TRIOBP: variants seen among roughly 807,000 people sequenced by gnomAD.
The protein encoded by TRIOBP is TRIO and F-actin binding protein.
A neutral mutation model predicts 238.8 loss-of-function variants in TRIOBP; 169 were observed. That is an observed-to-expected ratio of 0.71 (90% CI 0.62 to 0.80). The LOEUF is 0.80. Among genes scored for constraint, TRIOBP ranks in the 30% least tolerant of loss-of-function variants. TRIOBP has a pLI of 0.00. For synonymous variants in TRIOBP, 1,150 were observed against 1,274.4 expected (o/e 0.90, Z 2.08); for missense variants, 2,838 against 3,122.6 (o/e 0.91, Z 2.17).
intron 11 of TRIOBP, among the ~76,000 whole-genome samples, chr22:37,748,514 C>G (rs1467905830): frequency 6.6e-6 from 1 of 152,176 alleles, no homozygotes; most frequent in African/African-American, 2.4e-5. Flanking sequence ...TACAGTCCAC[C>G]AGGGCAGGGG....
In TRIOBP at chr22:37,713,403, T is replaced by C; in HGVS notation, c.448T>C (p.Ser150Pro). The C allele has an allele frequency of 6.2e-7, 1 of 1,613,022 alleles. No homozygotes were observed. Among genetic ancestry groups the C allele is most frequent in the Non-Finnish European group, 8.5e-7 (1 of 1,179,988 alleles). The part of the protein sequence containing the change: ...SATPDDTSNS[S>P]SVDWDTVERQ... ...CACCCCTGATGATACCAGCAACTCG[T>C]CCTCTGTGGTGAGCCAGGAGTGGGA... The change falls in exon 5 of 24, where the codon TCC (serine) becomes CCC (proline). Residue 150 changes from serine to proline, a missense_variant. Physicochemically the swap from Ser to Pro is moderately conservative, Grantham distance 74. Coordinates refer to ENST00000644935, the MANE Select transcript of TRIOBP (RefSeq NM_001039141.3).
intron 17 of TRIOBP, among the ~76,000 whole-genome samples, chr22:37,761,234 G>A (rs535310639): frequency 6.6e-6 from 1 of 152,116 alleles, no homozygotes; most frequent in East Asian, 1.9e-4. Context: ...ATCACTTGAG[G>A]TCAAATGTTC....
intron 3 of TRIOBP, among the ~76,000 whole-genome samples, chr22:37,703,491 T>C (rs1368004982): frequency 1.3e-5 from 2 of 149,232 alleles, no homozygotes; most frequent in East Asian, 2.0e-4. Context: ...CCCATTGGGG[T>C]CTGAAGGTCC....
intron 10 of TRIOBP, among the ~76,000 whole-genome samples, chr22:37,739,597 G>T (rs974886149): frequency 3.3e-5 from 5 of 152,130 alleles, no homozygotes; most frequent in Admixed American, 6.5e-5. Context: ...ACCACCCAGC[G>T]CTCTCTCTGC....
At chr22:37,701,600 C>T in intron 3 of TRIOBP, 121 bp downstream of exon 3, 1 of 713,366 alleles carries the variant, frequency 1.4e-6, no homozygotes, top group Non-Finnish European at 2.5e-6. Flanking sequence ...CTGTCGAGAG[C>T]CTCGGTTTTC....
At chr22:37,749,836 TC>T (rs1442893722) in intron 11 of TRIOBP, among the ~76,000 whole-genome samples, 2 of 150,254 alleles carry the variant, frequency 1.3e-5, no homozygotes, top group Non-Finnish European at 3.0e-5. Context: ...GCTTATGTCG[TC>T]CCGGCTACTT....
chr22:37,763,651 T>C (rs1445721179), intron 17 of TRIOBP, among the ~76,000 whole-genome samples: 1 of 152,160 alleles, frequency 6.6e-6, no homozygotes, highest in Non-Finnish European at 1.5e-5. Flanking sequence ...AAAAATAATT[T>C]AAACAAATTG....
At chr22:37,704,981 G>C (rs1433190959) in intron 3 of TRIOBP, among the ~76,000 whole-genome samples, 1 of 152,090 alleles carries the variant, frequency 6.6e-6, no homozygotes, top group Non-Finnish European at 1.5e-5. Flanking sequence ...GCTGATGTGG[G>C]AGGATTACTG....
At chr22:37,772,856 CCTT>C (rs1204398327) in intron 23 of TRIOBP, 92 bp downstream of exon 23, 61 of 1,483,188 alleles carry the variant, frequency 4.1e-5, no homozygotes, top group Non-Finnish European at 5.3e-5. Flanking sequence ...CAGGCCACTT[CCTT>C]CTTCTGGCCT....
At chr22:37,747,914 G>A (rs182347560) in intron 11 of TRIOBP, among the ~76,000 whole-genome samples, 1 of 152,290 alleles carries the variant, frequency 6.6e-6, no homozygotes, top group Non-Finnish European at 1.5e-5. Context: ...GCTGAGCAAG[G>A]GTAAGGCTGC....
intron 2 of TRIOBP, among the ~76,000 whole-genome samples, chr22:37,699,278 C>G (rs1282338250): frequency 1.3e-5 from 2 of 152,080 alleles, no homozygotes; most frequent in East Asian, 1.9e-4. Context: ...TCTGAAAATA[C>G]CTGGCCAGCT....
chr22:37,741,624 A>G (rs908767251), intron 11 of TRIOBP, among the ~76,000 whole-genome samples: 1 of 151,892 alleles, frequency 6.6e-6, no homozygotes, highest in Admixed American at 6.6e-5. Context: ...TGAGAGGCTG[A>G]CTCTCTTACT....
intron 6 of TRIOBP, among the ~76,000 whole-genome samples, chr22:37,720,378 A>C (rs957225537): frequency 5.9e-5 from 9 of 152,080 alleles, no homozygotes; most frequent in Non-Finnish European, 1.2e-4. Flanking sequence ...TTTTCTACTA[A>C]TATCCTTTTT....
chr22:37,757,600 G>A lies in TRIOBP; in HGVS notation c.5688-13G>A. The A allele has an allele frequency of 1.3e-6, 2 of 1,570,668 alleles. No homozygotes were observed. The highest frequency in any genetic ancestry group is 1.2e-5 in the South Asian group (1 of 86,010). The stretch of plus-strand genomic sequence containing the variant: ...GTGAGGACCCACCTGACGTGGCTCT[G>A]CTGGTGCCCTAGGCTCTCGGACTCT... On this transcript the variant is annotated splice_polypyrimidine_tract_variant and intron_variant, in intron 15 of 23. Transcript: ENST00000644935.
At position 37,772,679 on chromosome 22, in the gene TRIOBP, A is replaced by T; in HGVS notation, c.7015A>T (p.Ile2339Phe). 1 of 1,614,112 alleles carries T rather than the reference A, an allele frequency of 6.2e-7. No individual in the cohort carries two copies. Among genetic ancestry groups the T allele is most frequent in the South Asian group, 1.1e-5 (1 of 91,074 alleles). The change falls in exon 23 of 24, where the codon ATC becomes TTC. Residue 2339 changes from isoleucine to phenylalanine, a missense_variant. Physicochemically the swap from Ile to Phe is conservative, Grantham distance 21. Around this residue, in one of 5 missense-constraint regions of TRIOBP, gnomAD observed 2,096 missense variants for 2,137.4 expected, o/e 0.98. Transcript: ENST00000644935. ...SHIKTRSERE[I>F]EQLKEHLRLA... is the part of the protein sequence containing the mutation. ...CATCAAGACACGGTCTGAGCGGGAGATCGAGCAGCTGAAGGAGCACCTGCG... is the reference window on the plus strand; with the variant it reads ...CATCAAGACACGGTCTGAGCGGGAGTTCGAGCAGCTGAAGGAGCACCTGCG...
chr22:37,723,043 T>C, intron 6 of TRIOBP, 142 bp from the exon 7 acceptor site: 2 of 768,818 alleles, frequency 2.6e-6, no homozygotes, highest in Non-Finnish European at 4.2e-6. Context: ...AGAGGTGGAG[T>C]CACTTGGTAC....
At chr22:37,743,809 G>GTGTGTGTC (rs1176382373) in intron 11 of TRIOBP, among the ~76,000 whole-genome samples, 1 of 101,568 alleles carries the variant, frequency 9.8e-6, no homozygotes, top group Non-Finnish European at 1.7e-5. Flanking sequence ...GAATGTGTGT[G>GTGTGTGTC]TGTGTGTGTG....
chr22:37,725,362 T>C lies in TRIOBP; in HGVS notation c.2806T>C (p.Ser936Pro). Residue 936 changes from serine (S) to proline (P), a missense_variant, in exon 7 of 24, where the codon TCC (serine) becomes CCC (proline). By Grantham distance (74) the Ser-to-Pro change is moderately conservative (BLOSUM62 -1). This residue lies in a region of TRIOBP where 2,096 missense variants were observed against 2,137.4 expected (regional missense o/e 0.98). Transcript: ENST00000644935. Reference sequence around the variant, plus strand: ...CAAGCAAAGCGAGGTTCCCTGGGCATCCATCGCCCTCCGGCCAACCCAAGG... The same window carrying C: ...CAAGCAAAGCGAGGTTCCCTGGGCACCCATCGCCCTCCGGCCAACCCAAGG... The part of the protein sequence containing the change: ...RSKQSEVPWA[S>P]IALRPTQGDR... 6.2e-7 allele frequency: 1 copy of C among 1,613,048 alleles called. No individual in the cohort carries two copies. Among genetic ancestry groups the C allele is most frequent in the Non-Finnish European group, 8.5e-7 (1 of 1,179,340 alleles).
rs780849399 is a variant in TRIOBP at position 37,754,880 on chromosome 22, C to T, written c.5383C>T (p.Pro1795Ser). The stretch of plus-strand genomic sequence containing the variant: ...TTTCATTCCATCCTCCTTGCAGCCT[C>T]CCTCCCCCTCGCTCACCACCACCTC... ...MSILDEPGEP[P>S]SPSLTTTSTS... The change falls in exon 13 of 24, where the codon CCC (proline) becomes TCC (serine). Residue 1795 changes from proline to serine, a missense_variant. Around this residue, in one of 5 missense-constraint regions of TRIOBP, gnomAD observed 2,096 missense variants for 2,137.4 expected, o/e 0.98. Transcript: ENST00000644935. The T allele has an allele frequency of 2.9e-5, 47 of 1,613,954 alleles. No individual in the cohort carries two copies. Among genetic ancestry groups the T allele is most frequent in the Non-Finnish European group, 3.7e-5 (44 of 1,180,008 alleles).
Sources: gnomAD v4.1 joint callset for allele counts (sites outside exome capture counted in the v4.1 genomes callset) on GRCh38, gnomAD v4.1.1 for gene constraint, gnomAD v4.1.1 regional missense constraint, MANE v1.5 for transcripts, NCBI Gene and HGNC (gene_info 2026-07-23, HGNC 2026-07-21) for gene names.